Variants in USP32 observed in about 807,000 individuals in gnomAD.
USP32 encodes ubiquitin specific peptidase 32.
USP32 carries 59 observed loss-of-function variants against 204.8 expected under a neutral mutation model. The observed-to-expected ratio is 0.29, with a 90% confidence interval of 0.23 to 0.36. The LOEUF (loss-of-function observed/expected upper bound fraction) is 0.36, where lower values mean the gene tolerates loss of function less well. USP32 is among the 10% of genes least tolerant of loss of function. USP32 has a pLI of 1.00. For synonymous variants in USP32, 517 were observed against 678.4 expected, an observed-to-expected ratio of 0.76 and a Z score of 3.70; for missense variants, 1,160 against 1,946.4, an observed-to-expected ratio of 0.60 and a Z score of 7.60.
At chr17:60,295,578 G>A (rs939630605) in intron 3 of USP32, among the ~76,000 whole-genome samples, 1 of 152,090 alleles carries the variant, frequency 6.6e-6, no homozygotes, top group Non-Finnish European at 1.5e-5. Context: ...TCCCACCTGG[G>A]ACCTGAATGA....
At chr17:60,207,877 C>T in intron 24 of USP32, 182 bp downstream of exon 24, 4 of 1,031,678 alleles carry the variant, frequency 3.9e-6, no homozygotes, top group Non-Finnish European at 5.4e-6. Flanking sequence ...TCCCTTTATT[C>T]TGGTAGAAAA....
chr17:60,226,576 T>C (rs75382689), intron 12 of USP32, among the ~76,000 whole-genome samples: 1 of 152,194 alleles, frequency 6.6e-6, no homozygotes, highest in East Asian at 1.9e-4. Flanking sequence ...TGAATGTATA[T>C]AATTTTTTTA....
At chr17:60,364,791 T>C (rs1324331517) in intron 1 of USP32, among the ~76,000 whole-genome samples, 2 of 152,220 alleles carry the variant, frequency 1.3e-5, no homozygotes, top group Admixed American at 6.5e-5. Flanking sequence ...AATTTATCCA[T>C]AATTTATCCA....
rs201017769 is a variant in USP32 at position 60,294,705 on chromosome 17, G to A, written c.389C>T (p.Thr130Ile). The change falls in exon 4 of 34, where the codon ACA (threonine) becomes ATA (isoleucine). Residue 130 changes from threonine to isoleucine, a missense_variant. Physicochemically the swap from Thr to Ile is moderately conservative, Grantham distance 89 (BLOSUM62 -1). Coordinates refer to ENST00000300896, the MANE Select transcript of USP32 (RefSeq NM_032582.4). The stretch of plus-strand genomic sequence containing the variant: ...TACCTCTGAGAAACACTTCCTGAGT[G>A]TATCTGGGACTTTACCATCCACCAC... ...LHVVDGKVPD[T>I]LRKCFSEGEK... 4 of 1,609,814 alleles carry A rather than the reference G, an allele frequency of 2.5e-6. No individual in the cohort carries two copies. Among genetic ancestry groups the A allele is most frequent in the African/African-American group, 2.7e-5 (2 of 74,896 alleles).
intron 1 of USP32, among the ~76,000 whole-genome samples, chr17:60,373,877 G>A (rs2089491130): frequency 6.6e-6 from 1 of 152,094 alleles, no homozygotes; most frequent in Non-Finnish European, 1.5e-5. Flanking sequence ...TATTTAAAAA[G>A]TTTTTACTAT....
intron 9 of USP32, among the ~76,000 whole-genome samples, chr17:60,259,879 G>A (rs2086410635): frequency 6.6e-6 from 1 of 152,126 alleles, no homozygotes. Flanking sequence ...TATTAGAAGT[G>A]CTTGGGGTCT....
intron 2 of USP32, among the ~76,000 whole-genome samples, chr17:60,308,494 T>C (rs1456867306): frequency 2.0e-5 from 3 of 152,130 alleles, no homozygotes; most frequent in African/African-American, 4.8e-5. Flanking sequence ...CACAGACCAA[T>C]GGACGACAGA....
At chr17:60,387,260 G>A (rs1468786261) in intron 1 of USP32, among the ~76,000 whole-genome samples, 1 of 152,196 alleles carries the variant, frequency 6.6e-6, no homozygotes, top group Non-Finnish European at 1.5e-5. Flanking sequence ...GGGAGTCAAT[G>A]TTTTAAAGCA....
intron 2 of USP32, among the ~76,000 whole-genome samples, chr17:60,321,055 ACTCT>A (rs779100261): frequency 2.6e-5 from 4 of 152,070 alleles, no homozygotes; most frequent in African/African-American, 4.8e-5. Context: ...AAAAACCCTA[ACTCT>A]CTAACCAGAG....
intron 1 of USP32, among the ~76,000 whole-genome samples, chr17:60,350,446 A>G (rs1360926654): frequency 6.6e-6 from 1 of 151,792 alleles, no homozygotes; most frequent in East Asian, 1.9e-4. Context: ...CTACCATAAC[A>G]CCTGGGTAAG....
chr17:60,234,118 T>C (rs1264503473), intron 12 of USP32, among the ~76,000 whole-genome samples: 1 of 146,770 alleles, frequency 6.8e-6, no homozygotes, highest in East Asian at 2.0e-4. Context: ...CATGACTAAT[T>C]TTTTTTTTTT....
At chr17:60,242,597 G>A (rs568153003) in intron 11 of USP32, among the ~76,000 whole-genome samples, 1 of 152,168 alleles carries the variant, frequency 6.6e-6, no homozygotes, top group South Asian at 2.1e-4. Flanking sequence ...TTTTAGTAGA[G>A]ATAGGGTTTC....
At chr17:60,409,020 T>C (rs571711795) in intron 1 of USP32, among the ~76,000 whole-genome samples, 28 of 152,120 alleles carry the variant, frequency 1.8e-4, no homozygotes, top group Non-Finnish European at 4.1e-4. Context: ...CAGCTGAGCA[T>C]TTCCTCCTAT....
At chr17:60,220,883 C>T (rs1355222283) in intron 15 of USP32, among the ~76,000 whole-genome samples, 2 of 151,720 alleles carry the variant, frequency 1.3e-5, no homozygotes, top group African/African-American at 4.8e-5. Flanking sequence ...CTCCTGACTT[C>T]GTGATCCGCC....
intron 12 of USP32, among the ~76,000 whole-genome samples, chr17:60,234,687 G>A (rs1236837229): frequency 2.0e-5 from 3 of 151,486 alleles, no homozygotes; most frequent in Admixed American, 1.3e-4. Flanking sequence ...CCGAGATCGC[G>A]CCACTGCACT....
chr17:60,207,087 A>T lies in USP32; in HGVS notation c.2971T>A (p.Phe991Ile), dbSNP rs1203631232. The stretch of plus-strand genomic sequence containing the variant: ...ACAGGAATTTCAAATGCACACAAAA[A>T]TCCACTCACTGAGAGTCGTACTTTT... ...NQKVRLSVSG[F>I]LCAFEIPVPV... Residue 991 changes from phenylalanine (F) to isoleucine (I), a missense_variant, in exon 25 of 34, where the codon TTT becomes ATT. This residue lies in a region of USP32 where 47 missense variants were observed against 71.1 expected (regional missense o/e 0.66). Transcript: ENST00000300896. 6.2e-7 allele frequency: 1 copy of T among 1,613,106 alleles called. No homozygotes were observed.
intron 26 of USP32, among the ~76,000 whole-genome samples, chr17:60,201,374 T>A (rs535173313): frequency 6.6e-6 from 1 of 152,186 alleles, no homozygotes; most frequent in East Asian, 1.9e-4. Context: ...CTTGTACATA[T>A]CTCCTGGTAC....
At chr17:60,392,146 C>A (rs2089852032), upstream of USP32, 4 of 564,910 alleles carry the variant, frequency 7.1e-6, no homozygotes, top group Non-Finnish European at 1.2e-5. Context: ...ACTCTTCCGC[C>A]CCGCCCCCTT....
chr17:60,365,404 A>C (rs1421966941), intron 1 of USP32, among the ~76,000 whole-genome samples: 1 of 152,086 alleles, frequency 6.6e-6, no homozygotes, highest in African/African-American at 2.4e-5. Context: ...TCGCTTGAAC[A>C]CAGAAGGTGA....
Sources: gnomAD v4.1 joint callset for allele counts (sites outside exome capture counted in the v4.1 genomes callset) on GRCh38, gnomAD v4.1.1 for gene constraint, gnomAD v4.1.1 regional missense constraint, MANE v1.5 for transcripts, NCBI Gene and HGNC (gene_info 2026-07-23, HGNC 2026-07-21) for gene names.